PDE1A: variants seen among roughly 807,000 people sequenced by gnomAD.
PDE1A encodes the protein dual specificity calcium/calmodulin-dependent 3',5'-cyclic nucleotide phosphodiesterase 1A.
A neutral mutation model predicts 61.7 loss-of-function variants in PDE1A; 35 were observed. The ratio of observed to expected loss-of-function variants is 0.57; its 90% CI spans 0.43 to 0.75. The LOEUF is 0.75. Among genes scored for constraint, PDE1A ranks in the 30% least tolerant of loss-of-function variants. The pLI is 0.00. For missense variants in PDE1A, 597 were observed against 630.6 expected (o/e 0.95, Z 0.57); for synonymous variants, 232 against 213.2 (o/e 1.09, Z -0.77).
intron 1 of PDE1A, among the ~76,000 whole-genome samples, chr2:182,369,412 G>A (rs1448005838): frequency 1.3e-5 from 2 of 152,150 alleles, no homozygotes; most frequent in Non-Finnish European, 1.5e-5. Flanking sequence ...AAATAGAATT[G>A]ATTGCTTAAA....
chr2:182,434,850 A>G (rs1295474240), intron 2 of PDE1A, among the ~76,000 whole-genome samples: 1 of 152,060 alleles, frequency 6.6e-6, no homozygotes, highest in African/African-American at 2.4e-5. Flanking sequence ...CAAATTCAAT[A>G]ACAAAATACA....
chr2:182,449,952 A>G (rs1476536385), intron 2 of PDE1A, among the ~76,000 whole-genome samples: 2 of 152,100 alleles, frequency 1.3e-5, no homozygotes, highest in African/African-American at 4.8e-5. Flanking sequence ...CAGCTATTAT[A>G]CCAAACTCAA....
At chr2:182,148,606 C>T (rs1395879562) in intron 13 of PDE1A, among the ~76,000 whole-genome samples, 2 of 152,150 alleles carry the variant, frequency 1.3e-5, no homozygotes, top group Non-Finnish European at 2.9e-5. Context: ...TGCTGAGGTC[C>T]CATCAGCTTT....
At chr2:182,169,304 C>T (rs1056759107) in intron 13 of PDE1A, among the ~76,000 whole-genome samples, 1 of 151,890 alleles carries the variant, frequency 6.6e-6, no homozygotes, top group Non-Finnish European at 1.5e-5. Context: ...AAAAAACATA[C>T]TGAAACATAA....
the PDE1A span, among the ~76,000 whole-genome samples, chr2:182,661,247 C>T: frequency 3.9e-5 from 6 of 152,172 alleles, no homozygotes; most frequent in Non-Finnish European, 5.9e-5. Flanking sequence ...ATTTAAGATG[C>T]TACACCAGAT....
chr2:182,385,324 T>A (rs146047759), intron 1 of PDE1A, among the ~76,000 whole-genome samples: 1 of 152,186 alleles, frequency 6.6e-6, no homozygotes, highest in East Asian at 1.9e-4. Flanking sequence ...AGGTTGACAG[T>A]CAAAACTATT....
intron 2 of PDE1A, among the ~76,000 whole-genome samples, chr2:182,258,325 G>C (rs1691978582): frequency 6.6e-6 from 1 of 152,136 alleles, no homozygotes; most frequent in Non-Finnish European, 1.5e-5. Flanking sequence ...CTGGACTTGA[G>C]GAAAAAAATA....
the PDE1A span, among the ~76,000 whole-genome samples, chr2:182,539,551 T>C: frequency 2.0e-5 from 3 of 152,226 alleles, no homozygotes; most frequent in Admixed American, 1.3e-4. Context: ...CTTAAAGCTA[T>C]CTATGGGAAT....
At chr2:182,477,117 G>A (rs1687416399) in intron 2 of PDE1A, among the ~76,000 whole-genome samples, 1 of 151,860 alleles carries the variant, frequency 6.6e-6, no homozygotes, top group Non-Finnish European at 1.5e-5. Flanking sequence ...GGCATTCATG[G>A]ATTTCCATCA....
intron 1 of PDE1A, among the ~76,000 whole-genome samples, chr2:182,295,094 G>A (rs1334312633): frequency 3.1e-5 from 2 of 64,658 alleles, no homozygotes; most frequent in Non-Finnish European, 7.4e-5. Flanking sequence ...TTGAGATGGA[G>A]TCTCGCTCTG....
intron 7 of PDE1A, among the ~76,000 whole-genome samples, chr2:182,213,552 C>G (rs543530015): frequency 2.2e-4 from 22 of 99,222 alleles, no homozygotes; most frequent in Non-Finnish European, 2.5e-4. Flanking sequence ...ACTAGAATAA[C>G]CAATACAGAG....
At chr2:182,349,253 C>T (rs6730984) in intron 1 of PDE1A, among the ~76,000 whole-genome samples, 95,677 of 152,008 alleles carry the variant, frequency 0.63, 30,599 homozygotes, top group Middle Eastern at 0.79. Flanking sequence ...TTTTTAACTA[C>T]CATAAATAAA....
intron 13 of PDE1A, among the ~76,000 whole-genome samples, chr2:182,151,226 T>A (rs1220432468): frequency 1.3e-5 from 2 of 152,224 alleles, no homozygotes; most frequent in Non-Finnish European, 2.9e-5. Context: ...TAGCTGGGAC[T>A]ATAGGCATCT....
the PDE1A span, among the ~76,000 whole-genome samples, chr2:182,590,724 G>A: frequency 6.6e-6 from 1 of 152,114 alleles, no homozygotes; most frequent in East Asian, 1.9e-4. Context: ...TATTTTATAT[G>A]CAAAGATTTC....
chr2:182,665,227 G>C, the PDE1A span, among the ~76,000 whole-genome samples: 1 of 151,876 alleles, frequency 6.6e-6, no homozygotes, highest in Admixed American at 6.6e-5. Flanking sequence ...ATTGACAATG[G>C]GTCCTAATTA....
intron 7 of PDE1A, among the ~76,000 whole-genome samples, chr2:182,220,766 T>C (rs1688648408): frequency 6.6e-6 from 1 of 152,022 alleles, no homozygotes; most frequent in South Asian, 2.1e-4. Flanking sequence ...TAAATTAGTT[T>C]CCAGATTGGA....
the PDE1A span, among the ~76,000 whole-genome samples, chr2:182,547,054 C>T: frequency 6.6e-6 from 1 of 152,170 alleles, no homozygotes; most frequent in Admixed American, 6.5e-5. Context: ...AGTAGATGAA[C>T]TCACTTTACA....
At chr2:182,370,572 G>T (rs1700076139) in intron 1 of PDE1A, among the ~76,000 whole-genome samples, 1 of 152,174 alleles carries the variant, frequency 6.6e-6, no homozygotes, top group Non-Finnish European at 1.5e-5. Context: ...TCTGAGATTT[G>T]ACAAGAACCC....
chr2:182,155,848 AC>A (rs1691051618), intron 13 of PDE1A, among the ~76,000 whole-genome samples: 1 of 152,146 alleles, frequency 6.6e-6, no homozygotes, highest in African/African-American at 2.4e-5. Flanking sequence ...CCGAGATTGC[AC>A]CATTGCACTC....
Sources: allele counts gnomAD v4.1 joint callset (sites outside exome capture counted in the v4.1 genomes callset), GRCh38; gene constraint gnomAD v4.1.1; transcripts MANE v1.5; gene names NCBI Gene and HGNC (gene_info 2026-07-23, HGNC 2026-07-21).